Variants in MARCHF1 observed in about 807,000 individuals in gnomAD.
MARCHF1 encodes the protein E3 ubiquitin-protein ligase MARCHF1.
Under a neutral mutation model 54.2 loss-of-function variants are expected in MARCHF1, and 40 were observed. That is an observed-to-expected ratio of 0.74 (90% CI 0.57 to 0.96). MARCHF1 has a LOEUF of 0.96. Ranked by LOEUF, MARCHF1 falls within the 40% of genes least tolerant of loss-of-function variation. The pLI is 0.00. For synonymous variants in MARCHF1, 236 were observed against 236.3 expected, an observed-to-expected ratio of 1.00 and a Z score of 0.01; for missense variants, 586 against 656.5, an observed-to-expected ratio of 0.89 and a Z score of 1.17.
At chr4:164,210,830 A>T (rs1345475151) in intron 1 of MARCHF1, among the ~76,000 whole-genome samples, 1 of 152,108 alleles carries the variant, frequency 6.6e-6, no homozygotes, top group African/African-American at 2.4e-5. Flanking sequence ...GGATAAAGAA[A>T]ATGTGGCAAA....
intron 1 of MARCHF1, among the ~76,000 whole-genome samples, chr4:164,203,760 A>G (rs1472563724): frequency 6.6e-6 from 1 of 151,834 alleles, no homozygotes; most frequent in Non-Finnish European, 1.5e-5. Flanking sequence ...CTGACCTTCA[A>G]TCTGGACTCT....
chr4:164,109,287 G>A (rs1234942901), intron 2 of MARCHF1, among the ~76,000 whole-genome samples: 3 of 151,928 alleles, frequency 2.0e-5, no homozygotes, highest in African/African-American at 7.2e-5. Context: ...GATAAGATCT[G>A]TTTTACTTTC....
chr4:163,937,054 A>G (rs566767513), intron 3 of MARCHF1, among the ~76,000 whole-genome samples: 8 of 152,162 alleles, frequency 5.3e-5, no homozygotes, highest in African/African-American at 1.7e-4. Context: ...TAAAAGCTAA[A>G]CTCTCACGTA....
chr4:163,688,545 A>T (rs1265947667), intron 5 of MARCHF1, among the ~76,000 whole-genome samples: 1 of 152,136 alleles, frequency 6.6e-6, no homozygotes, highest in African/African-American at 2.4e-5. Context: ...TAAGTGAAAA[A>T]CTCAAAGATA....
At chr4:164,042,253 TC>T (rs1401449753) in intron 2 of MARCHF1, among the ~76,000 whole-genome samples, 1 of 152,146 alleles carries the variant, frequency 6.6e-6, no homozygotes, top group Non-Finnish European at 1.5e-5. Flanking sequence ...ATTAGTCTGT[TC>T]TTACACTGGT....
chr4:163,595,845 C>T (rs530956009), intron 7 of MARCHF1, among the ~76,000 whole-genome samples: 15 of 151,938 alleles, frequency 9.9e-5, no homozygotes, highest in African/African-American at 3.4e-4. Flanking sequence ...AACACTGTGC[C>T]TATAGTTAAC....
At chr4:164,332,568 C>T (rs1729570796) in intron 1 of MARCHF1, among the ~76,000 whole-genome samples, 1 of 152,114 alleles carries the variant, frequency 6.6e-6, no homozygotes, top group Non-Finnish European at 1.5e-5. Flanking sequence ...ATTCGTGAGA[C>T]AGCTGGGTTC....
At chr4:164,199,681 C>CAGAGAGAGAGAGAGAG (rs70952609) in intron 1 of MARCHF1, among the ~76,000 whole-genome samples, 28 of 47,656 alleles carry the variant, frequency 5.9e-4, no homozygotes, top group African/African-American at 1.3e-3. Flanking sequence ...CACACACACA[C>CAGAGAGAGAGAGAGAG]AGAGAGAGAG....
intron 8 of MARCHF1, among the ~76,000 whole-genome samples, chr4:163,567,586 T>C (rs1739686831): frequency 6.6e-6 from 1 of 152,174 alleles, no homozygotes; most frequent in African/African-American, 2.4e-5. Context: ...ATTCTCATGA[T>C]AGTGAATAAG....
intron 4 of MARCHF1, among the ~76,000 whole-genome samples, chr4:163,845,930 C>A (rs897835696): frequency 6.6e-6 from 1 of 152,160 alleles, no homozygotes; most frequent in African/African-American, 2.4e-5. Context: ...TTCTTCAATT[C>A]AATCTGTTTC....
intron 4 of MARCHF1, among the ~76,000 whole-genome samples, chr4:163,845,737 G>A (rs756142998): frequency 9.2e-5 from 14 of 152,062 alleles, no homozygotes; most frequent in Non-Finnish European, 1.3e-4. Flanking sequence ...ACTTTACTCC[G>A]TAGAGGAAAC....
chr4:163,641,306 T>C (rs1742546113), intron 5 of MARCHF1, among the ~76,000 whole-genome samples: 1 of 152,132 alleles, frequency 6.6e-6, no homozygotes, highest in Non-Finnish European at 1.5e-5. Context: ...ATAAGAATAC[T>C]ATATGAGGGA....
At chr4:164,298,910 C>T (rs929300040) in intron 1 of MARCHF1, among the ~76,000 whole-genome samples, 1 of 151,930 alleles carries the variant, frequency 6.6e-6, no homozygotes, top group African/African-American at 2.4e-5. Context: ...CATGTGTACT[C>T]TATAGGGTAG....
intron 7 of MARCHF1, among the ~76,000 whole-genome samples, chr4:163,598,378 C>T (rs563933316): frequency 3.3e-5 from 5 of 152,288 alleles, no homozygotes; most frequent in South Asian, 4.1e-4. Flanking sequence ...AGTACAGTCA[C>T]GCCATGCGTC....
intron 3 of MARCHF1, among the ~76,000 whole-genome samples, chr4:163,904,791 A>G (rs7435408): frequency 2.0e-3 from 26 of 12,756 alleles, no homozygotes; most frequent in African/African-American, 3.4e-3. Flanking sequence ...CAGAGAGAGA[A>G]AGAGAGAGAG....
intron 3 of MARCHF1, among the ~76,000 whole-genome samples, chr4:163,854,503 A>C (rs1436036744): frequency 6.6e-6 from 1 of 152,218 alleles, no homozygotes; most frequent in East Asian, 1.9e-4. Context: ...ACTTCAAGAA[A>C]TAAGAATAGA....
chr4:164,088,262 T>C (rs1188040786), intron 2 of MARCHF1, among the ~76,000 whole-genome samples: 1 of 152,200 alleles, frequency 6.6e-6, no homozygotes, highest in Non-Finnish European at 1.5e-5. Context: ...TTGAGATAAA[T>C]TGGCGTTCAA....
chr4:163,890,817 T>G lies in MARCHF1; in HGVS notation c.-38-36648A>C, dbSNP rs137969981. ...ACCCACCGGAACCCGGCCTCCCCAG[T>G]ATAAGTCTGGAAATTTTATTAATCT... On this transcript the variant is annotated intron_variant, in intron 3 of 9. Coordinates refer to ENST00000514618, the MANE Select transcript of MARCHF1 (RefSeq NM_001394959.1). Among the ~76,000 whole-genome samples, 628 of 152,116 alleles carry G rather than the reference T, an allele frequency of 4.1e-3. 6 individuals are homozygous for G. Among genetic ancestry groups the G allele is most frequent in the African/African-American group, 0.014 (584 of 41,480 alleles).
intron 8 of MARCHF1, among the ~76,000 whole-genome samples, chr4:163,578,022 AGT>A (rs750002077): frequency 4.0e-5 from 6 of 150,764 alleles, no homozygotes; most frequent in Admixed American, 2.0e-4. Flanking sequence ...TTTAGTTGTA[AGT>A]GTGTGTGTGT....
Sources: gnomAD v4.1 joint callset for allele counts (sites outside exome capture counted in the v4.1 genomes callset) on GRCh38, gnomAD v4.1.1 for gene constraint, MANE v1.5 for transcripts, NCBI Gene and HGNC (gene_info 2026-07-23, HGNC 2026-07-21) for gene names.